The following ARHGEF18 variants were observed in gnomAD, a reference collection of about 807,000 sequenced individuals.
ARHGEF18 encodes Rho/Rac guanine nucleotide exchange factor 18, also known as rho guanine nucleotide exchange factor 18.
In ARHGEF18, 93 loss-of-function variants were observed where a neutral mutation model predicts 155.7. The observed-to-expected ratio is 0.60, with a 90% confidence interval of 0.50 to 0.71. ARHGEF18 has a LOEUF of 0.71. Ranked by LOEUF, ARHGEF18 falls within the 30% of genes least tolerant of loss-of-function variation. The probability of loss-of-function intolerance (pLI) is 0.00; values close to 1 mark genes in which losing one functional copy is unlikely to be tolerated. For missense variants in ARHGEF18, 1,593 were observed against 1,816.1 expected (o/e 0.88, Z 2.23); for synonymous variants, 742 against 753.1 (o/e 0.99, Z 0.24).
intron 14 of ARHGEF18, among the ~76,000 whole-genome samples, chr19:7,445,096 T>TTTGG (rs1228579787): frequency 6.6e-6 from 1 of 152,136 alleles, no homozygotes; most frequent in Non-Finnish European, 1.5e-5. Context: ...TGTGCTCTTG[T>TTTGG]TTGGTTGGTT....
At position 7,458,676 on chromosome 19, in the gene ARHGEF18, A is replaced by G. The variant is rs1370663232; in HGVS notation, c.2346A>G (p.Gln782=). ...EDRNAWMAHI[Q]RAVESCPDEE... is the part of the protein sequence containing the mutation. ...GGAACGCCTGGATGGCCCACATCCA[A>G]AGGGCTGTGGAGAGGTGAGGAGGGC... The change falls in exon 19 of 29, where the codon CAA becomes CAG. Residue 782 remains glutamine, a synonymous_variant. Transcript: ENST00000668164. 6.2e-7 allele frequency: 1 copy of G among 1,613,332 alleles called. No individual in the cohort carries two copies. Among genetic ancestry groups the G allele is most frequent in the Non-Finnish European group, 8.5e-7 (1 of 1,179,750 alleles).
At chr19:7,435,087 A>T (rs6603063) in intron 10 of ARHGEF18, among the ~76,000 whole-genome samples, 61,300 of 151,792 alleles carry the variant, frequency 0.4, 13,023 homozygotes, top group East Asian at 0.6. Context: ...CTGTAATCCC[A>T]GCTACTCGGG....
intron 10 of ARHGEF18, among the ~76,000 whole-genome samples, chr19:7,423,037 A>G (rs1435773409): frequency 6.6e-6 from 1 of 152,130 alleles, no homozygotes; most frequent in Non-Finnish European, 1.5e-5. Flanking sequence ...TTTTCTAAAC[A>G]GATGTGTAAA....
downstream of ARHGEF18, among the ~76,000 whole-genome samples, chr19:7,475,797 T>G: frequency 6.6e-6 from 1 of 151,982 alleles, no homozygotes; most frequent in Non-Finnish European, 1.5e-5. Flanking sequence ...AGTAGTTGGG[T>G]CTCCAGGTAG....
intron 16 of ARHGEF18, among the ~76,000 whole-genome samples, chr19:7,452,822 T>C (rs1321759769): frequency 1.3e-5 from 2 of 151,694 alleles, no homozygotes; most frequent in African/African-American, 4.8e-5. Context: ...AAGCAGTAGA[T>C]GGCAGAGCTA....
chr19:7,449,559 C>T (rs1294891393), intron 15 of ARHGEF18, among the ~76,000 whole-genome samples: 1 of 152,106 alleles, frequency 6.6e-6, no homozygotes, highest in African/African-American at 2.4e-5. Flanking sequence ...AGGCACAGGC[C>T]CACTCTAGTT....
intron 10 of ARHGEF18, among the ~76,000 whole-genome samples, chr19:7,404,229 G>A (rs867483878): frequency 2.4e-4 from 36 of 152,224 alleles, no homozygotes; most frequent in Admixed American, 7.8e-4. Flanking sequence ...CCCTGGGGCC[G>A]TTTCACTGAG....
intron 10 of ARHGEF18, among the ~76,000 whole-genome samples, chr19:7,387,141 T>G (rs60482731): frequency 0.11 from 17,201 of 150,878 alleles, 1,883 homozygotes; most frequent in African/African-American, 0.28. Context: ...CACCTGTTTT[T>G]GTTGTTGTTG....
rs1276072256 is a variant in ARHGEF18, at chr19:7,471,313, G to A, written c.*1015G>A. ...TGGCCGCTGTGCGGGCCCCTCGCTT[G>A]TAGTGAGCTGTTGCAGCTTACGGTC... On this transcript the variant is annotated 3_prime_UTR_variant, in exon 29 of 29. Coordinates refer to ENST00000668164, the MANE Select transcript of ARHGEF18 (RefSeq NM_001367823.1). The surrounding 1 kb of genome is among the most constrained non-coding windows in gnomAD (Gnocchi z 4.4). 1 of 153,096 alleles carries A rather than the reference G, an allele frequency of 6.5e-6. No homozygotes were observed. Among genetic ancestry groups the A allele is most frequent in the Non-Finnish European group, 1.5e-5 (1 of 68,692 alleles). The allele number at this position is 153,096 out of a possible 1,614,324, so 9.5% of individuals were successfully genotyped here.
chr19:7,355,160 A>G (rs1363162942), intron 1 of ARHGEF18, among the ~76,000 whole-genome samples: 2 of 150,902 alleles, frequency 1.3e-5, no homozygotes, highest in African/African-American at 4.9e-5. Context: ...AATCAAATAC[A>G]CCCCCACATT....
At chr19:7,468,408 G>A (rs1395319787) in intron 26 of ARHGEF18, among the ~76,000 whole-genome samples, 4 of 152,082 alleles carry the variant, frequency 2.6e-5, no homozygotes, top group Non-Finnish European at 4.4e-5. Context: ...TTAGCAGGGC[G>A]TGGTGGCACA....
intron 20 of ARHGEF18, among the ~76,000 whole-genome samples, chr19:7,461,282 C>T (rs150324441): frequency 0.017 from 2,612 of 152,118 alleles, 72 homozygotes; most frequent in African/African-American, 0.059. Context: ...GGTGCGGTGG[C>T]TCACGCCTGT....
Position 7,462,087 on chromosome 19 carries a change from C to CG in ARHGEF18, c.2453-61dup, listed in dbSNP as rs1291408347. 21 of 1,600,178 alleles carry CG rather than the reference C, an allele frequency of 1.3e-5. No individual in the cohort carries two copies. The highest frequency in any genetic ancestry group is 1.8e-5 in the Non-Finnish European group (21 of 1,169,658). On this transcript the variant is annotated intron_variant, in intron 20 of 28. Coordinates refer to ENST00000668164, the MANE Select transcript of ARHGEF18 (RefSeq NM_001367823.1). The surrounding 1 kb of genome is among the most constrained non-coding windows in gnomAD (Gnocchi z 4.4). ...GGTTCCTCATCCTTAGGCCAGTCCC[C>CG]GGGGCTCAGATGATTCCAGGGAAGG...
chr19:7,375,271 CAA>C (rs556006446), intron 3 of ARHGEF18, among the ~76,000 whole-genome samples: 4 of 40,628 alleles, frequency 9.8e-5, no homozygotes, highest in Admixed American at 3.1e-4. Flanking sequence ...GACTCTGTCT[CAA>C]AAAAAAAAAA....
intron 10 of ARHGEF18, among the ~76,000 whole-genome samples, chr19:7,417,099 A>T (rs1262669549): frequency 2.0e-5 from 3 of 151,924 alleles, no homozygotes; most frequent in Non-Finnish European, 4.4e-5. Context: ...TGGTAGAGAC[A>T]GGGTTTCACT....
At chr19:7,445,067 A>AT (rs1974900984) in intron 14 of ARHGEF18, among the ~76,000 whole-genome samples, 1 of 152,210 alleles carries the variant, frequency 6.6e-6, no homozygotes, top group African/African-American at 2.4e-5. Context: ...GCTGAACACT[A>AT]TTCAATGTTA....
chr19:7,458,666 C>T lies in ARHGEF18; in HGVS notation c.2336C>T (p.Ala779Val), dbSNP rs770213213. ...AAAGAGGACAGGAACGCCTGGATGG[C>T]CCACATCCAAAGGGCTGTGGAGAGG... ...SSKEDRNAWMAHIQRAVESCP... is the reference protein window; with the variant it reads ...SSKEDRNAWMVHIQRAVESCP... Residue 779 changes from alanine (A) to valine (V), a missense_variant, in exon 19 of 29, where the codon GCC becomes GTC. Ala to Val is a moderately conservative substitution (Grantham distance 64). Coordinates refer to ENST00000668164, the MANE Select transcript of ARHGEF18 (RefSeq NM_001367823.1). The T allele has an allele frequency of 1.1e-5, 17 of 1,613,618 alleles. No homozygotes were observed. The highest frequency in any genetic ancestry group is 1.4e-5 in the Non-Finnish European group (16 of 1,179,850).
chr19:7,454,735 G>T (rs1290438264), intron 17 of ARHGEF18, among the ~76,000 whole-genome samples: 1 of 152,120 alleles, frequency 6.6e-6, no homozygotes, highest in African/African-American at 2.4e-5. Flanking sequence ...CACCAGGAGG[G>T]CATGCTGAGT....
intron 2 of ARHGEF18, among the ~76,000 whole-genome samples, chr19:7,367,102 T>C (rs10406815): frequency 0.046 from 6,970 of 152,180 alleles, 531 homozygotes; most frequent in African/African-American, 0.16. Flanking sequence ...TATTATTCTA[T>C]CCGCCAAGGT....
Sources: gnomAD v4.1 joint callset for allele counts (sites outside exome capture counted in the v4.1 genomes callset) on GRCh38, gnomAD v4.1.1 for gene constraint, Gnocchi (gnomAD v3.1) non-coding constraint, MANE v1.5 for transcripts, NCBI Gene and HGNC (gene_info 2026-07-23, HGNC 2026-07-21) for gene names.